KDM3A: variants seen among roughly 807,000 people sequenced by gnomAD.
The protein encoded by KDM3A is lysine-specific demethylase 3A.
A neutral mutation model predicts 158.0 loss-of-function variants in KDM3A; 60 were observed. That is an observed-to-expected ratio of 0.38 (90% CI 0.31 to 0.47). The LOEUF is 0.47. KDM3A is among the 20% of genes least tolerant of loss of function. The pLI, the probability that KDM3A is intolerant of heterozygous loss-of-function variation, is 0.99. For missense variants in KDM3A, 1,319 were observed against 1,574.3 expected, an observed-to-expected ratio of 0.84 and a Z score of 2.74; for synonymous variants, 608 against 549.3, an observed-to-expected ratio of 1.11 and a Z score of -1.49.
intron 19 of KDM3A, chr2:86,484,625 A>G (rs902468041): frequency 3.5e-6 from 1 of 287,038 alleles, no homozygotes; most frequent in African/African-American, 2.2e-5. Flanking sequence ...CCCAAGAATG[A>G]GTAGCAGCTT....
In KDM3A at chr2:86,449,843, A is replaced by C. The variant is rs1168479304; in HGVS notation, c.223A>C (p.Arg75=). ...VEFDGESWRK[R]RWIEVYSLLR... is the part of the protein sequence containing the mutation. ...ATTTGATGGGGAATCTTGGAGGAAA[A>C]GAAGATGGATAGAAGTCTACAGCCT... The change falls in exon 3 of 26, where the codon AGA becomes CGA. Residue 75 remains arginine (R), a synonymous_variant. Transcript: ENST00000312912. The C allele has an allele frequency of 1.9e-6, 3 of 1,612,894 alleles. No homozygotes were observed. Among genetic ancestry groups the C allele is most frequent in the African/African-American group, 1.3e-5 (1 of 74,792 alleles).
rs1190246939 is a variant in KDM3A at position 86,491,196 on chromosome 2, A to G, written c.3806A>G (p.His1269Arg). 2 of 1,613,574 alleles carry G rather than the reference A, an allele frequency of 1.2e-6. No homozygotes were observed. The highest frequency in any genetic ancestry group is 1.6e-4 in the Middle Eastern group (1 of 6,062). Residue 1269 changes from histidine (H) to arginine (R), a missense_variant, in exon 25 of 26, where the codon CAT becomes CGT. By Grantham distance (29) the His-to-Arg change is conservative. Around this residue, in one of 4 missense-constraint regions of KDM3A, gnomAD observed 186 missense variants for 340.9 expected, o/e 0.55. Transcript: ENST00000312912. ...KVAEDFVSPE[H>R]VKHCFWLTQE... Reference sequence around the variant, plus strand: ...GCTGAAGATTTTGTTTCTCCAGAGCATGTTAAACACTGCTTCTGGCTTACT... The same window carrying G: ...GCTGAAGATTTTGTTTCTCCAGAGCGTGTTAAACACTGCTTCTGGCTTACT...
chr2:86,489,370 T>C lies in KDM3A; in HGVS notation c.3366T>C (p.Asp1122=). The change falls in exon 22 of 26, where the codon GAT becomes GAC. Residue 1122 remains aspartate (D), a synonymous_variant. Coordinates refer to ENST00000312912, the MANE Select transcript of KDM3A (RefSeq NM_018433.6). ...ATGGAACAACAAATCTTCACTTAGA[T>C]GTATCTGATGCAGCTAATGTCATGG... ...RKYGTTNLHL[D]VSDAANVMVY... is the part of the protein sequence containing the mutation. 1 of 1,614,016 alleles carries C rather than the reference T, an allele frequency of 6.2e-7. No individual in the cohort carries two copies. The highest frequency in any genetic ancestry group is 8.5e-7 in the Non-Finnish European group (1 of 1,179,938).
At chr2:86,465,555 G>A (rs546739379) in intron 9 of KDM3A, among the ~76,000 whole-genome samples, 3 of 152,046 alleles carry the variant, frequency 2.0e-5, no homozygotes, top group Non-Finnish European at 4.4e-5. Flanking sequence ...CTACAGGCGC[G>A]TGCCACCACA....
At chr2:86,449,076 T>C (rs961700124) in intron 2 of KDM3A, among the ~76,000 whole-genome samples, 1 of 152,188 alleles carries the variant, frequency 6.6e-6, no homozygotes, top group Non-Finnish European at 1.5e-5. Context: ...GTTGTAGCCT[T>C]AGGGTTAAAA....
intron 10 of KDM3A, among the ~76,000 whole-genome samples, chr2:86,467,164 T>C (rs1434716461): frequency 6.6e-6 from 1 of 152,174 alleles, no homozygotes; most frequent in East Asian, 1.9e-4. Context: ...TGTCTATTAG[T>C]ATTTTAAAGC....
At position 86,482,241 on chromosome 2, in the gene KDM3A, A is replaced by C. The variant is rs1040187213; in HGVS notation, c.2685+139A>C. Reference sequence around the variant, plus strand: ...TGGGTTCAGAAGGCTGAGTCACTGGAGGATGGGTTTTATGGGACTATAGTT... The same window carrying C: ...TGGGTTCAGAAGGCTGAGTCACTGGCGGATGGGTTTTATGGGACTATAGTT... On this transcript the variant is annotated intron_variant, in intron 17 of 25. Transcript: ENST00000312912. The C allele has an allele frequency of 1.1e-5, 13 of 1,183,514 alleles. No individual in the cohort carries two copies. In the African/African-American group the frequency reaches 2.0e-4, roughly 18 times the overall value. 73.3% of individuals were successfully genotyped at this position (1,183,514 alleles called of 1,614,324 possible).
chr2:86,452,550 G>C, intron 4 of KDM3A, among the ~76,000 whole-genome samples: 1 of 152,044 alleles, frequency 6.6e-6, no homozygotes, highest in East Asian at 1.9e-4. Flanking sequence ...GATGAGAATA[G>C]ACTGCACACA....
chr2:86,462,880 G>A (rs1480079029), intron 8 of KDM3A, among the ~76,000 whole-genome samples: 2 of 152,004 alleles, frequency 1.3e-5, no homozygotes, highest in South Asian at 4.1e-4. Flanking sequence ...ATTACTTGAG[G>A]CCAAGAGTTG....
chr2:86,478,711 A>C lies in KDM3A; in HGVS notation c.2292A>C (p.Pro764=), dbSNP rs769907138. The change falls in exon 15 of 26, where the codon CCA becomes CCC. Residue 764 remains proline (P), a synonymous_variant. Coordinates refer to ENST00000312912, the MANE Select transcript of KDM3A (RefSeq NM_018433.6). The part of the protein sequence containing the change: ...SNRQFKLFSK[P]ASKEDLKQTS... ...GGCAATTCAAACTCTTTTCAAAGCC[A>C]GCCTCAAAGGAAGACCTAAAACAGG... The C allele has an allele frequency of 1.9e-6, 3 of 1,613,976 alleles. No individual in the cohort carries two copies. The African/African-American group carries it at 4.0e-5, about 22-fold the overall frequency.
chr2:86,488,573 C>T (rs1518812), intron 21 of KDM3A: 27,986 of 152,220 alleles, frequency 0.18, 3,188 homozygotes, highest in African/African-American at 0.31. Flanking sequence ...CCAGGCAAGC[C>T]AGAGATAAAG....
intron 2 of KDM3A, chr2:86,442,522 AGAG>A (rs141620048): frequency 0.028 from 7,934 of 279,400 alleles, 200 homozygotes; most frequent in East Asian, 0.075. Flanking sequence ...TCTTTACTGC[AGAG>A]GAGGAGGAGT....
intron 17 of KDM3A, 28 bp downstream of exon 17, chr2:86,482,130 G>A: frequency 6.2e-7 from 1 of 1,605,812 alleles, no homozygotes; most frequent in Non-Finnish European, 8.5e-7. Flanking sequence ...GGTATTCCAT[G>A]TTTTAAAGTT....
rs1672365795 is a variant in KDM3A at position 86,449,794 on chromosome 2, T to G, written c.187-13T>G. ...GAATCTGCTTCCCCCACCCCCCAATTTTGTCTGTCTAGGTGTGTGTGGAAT... is the reference window on the plus strand; with the variant it reads ...GAATCTGCTTCCCCCACCCCCCAATGTTGTCTGTCTAGGTGTGTGTGGAAT... On this transcript the variant is annotated splice_polypyrimidine_tract_variant and intron_variant, in intron 2 of 25. Transcript: ENST00000312912. The G allele has an allele frequency of 6.4e-7, 1 of 1,574,552 alleles. No individual in the cohort carries two copies. The highest frequency in any genetic ancestry group is 8.6e-7 in the Non-Finnish European group (1 of 1,164,502).
intron 8 of KDM3A, among the ~76,000 whole-genome samples, chr2:86,459,294 G>A (rs1672829996): frequency 6.6e-6 from 1 of 152,182 alleles, no homozygotes; most frequent in Admixed American, 6.5e-5. Context: ...ATATTGTCAA[G>A]TAATCCATAG....
At chr2:86,465,359 G>C (rs1265934261) in intron 9 of KDM3A, among the ~76,000 whole-genome samples, 4 of 152,124 alleles carry the variant, frequency 2.6e-5, no homozygotes, top group Non-Finnish European at 4.4e-5. Flanking sequence ...TAGCAGAAAA[G>C]GGTTTTGTGC....
chr2:86,448,820 T>G (rs917757325), intron 2 of KDM3A, among the ~76,000 whole-genome samples: 1 of 152,182 alleles, frequency 6.6e-6, no homozygotes, highest in African/African-American at 2.4e-5. Flanking sequence ...AAACAGTGAT[T>G]TTTACACTGA....
At chr2:86,474,663 C>CAAAAAA in intron 11 of KDM3A, 113 bp from the exon 12 acceptor site, 1 of 424,452 alleles carries the variant, frequency 2.4e-6, no homozygotes, top group South Asian at 2.4e-5. Flanking sequence ...GACTCCATCC[C>CAAAAAA]AAAAAAAAAA....
intron 2 of KDM3A, chr2:86,443,651 A>G (rs182898982): frequency 1.3e-5 from 2 of 152,366 alleles, no homozygotes; most frequent in Non-Finnish European, 2.9e-5. Context: ...TGTCAAACCC[A>G]GGAAGTTTTA....
Sources: gnomAD v4.1 joint callset for allele counts (sites outside exome capture counted in the v4.1 genomes callset) on GRCh38, gnomAD v4.1.1 for gene constraint, gnomAD v4.1.1 regional missense constraint, MANE v1.5 for transcripts, NCBI Gene and HGNC (gene_info 2026-07-23, HGNC 2026-07-21) for gene names.